SPAST: variants seen among roughly 807,000 people sequenced by gnomAD.
SPAST encodes the protein spastic paraplegia 4 (autosomal dominant; spastin).
Under a neutral mutation model 76.6 loss-of-function variants are expected in SPAST, and 30 were observed. That is an observed-to-expected ratio of 0.39 (90% CI 0.29 to 0.53). The LOEUF is 0.53. SPAST is among the 20% of genes least tolerant of loss of function. SPAST has a pLI of 0.68. For synonymous variants in SPAST, 305 were observed against 281.0 expected (o/e 1.09, Z -0.86); for missense variants, 717 against 770.5 (o/e 0.93, Z 0.82).
intron 1 of SPAST, among the ~76,000 whole-genome samples, chr2:32,083,776 A>ATATTTTTTTTTTTTTTTTTT (rs1553398791): frequency 2.2e-5 from 1 of 46,074 alleles, no homozygotes; most frequent in African/African-American, 8.9e-5. Flanking sequence ...ATATATATAT[A>ATATTTTTTTTTTTTTTTTTT]TTTTTTTTTT....
intron 1 of SPAST, among the ~76,000 whole-genome samples, chr2:32,077,190 G>T (rs1172367925): frequency 1.3e-5 from 2 of 152,078 alleles, no homozygotes; most frequent in Non-Finnish European, 2.9e-5. Flanking sequence ...GAGATTTTTA[G>T]ATATCTATTA....
At chr2:32,091,458 G>A (rs1386277029) in intron 3 of SPAST, among the ~76,000 whole-genome samples, 2 of 150,582 alleles carry the variant, frequency 1.3e-5, no homozygotes, top group Non-Finnish European at 3.0e-5. Context: ...TGTATTTTTA[G>A]TAGGGACGGG....
chr2:32,147,489 G>T (rs900715978), intron 16 of SPAST, among the ~76,000 whole-genome samples: 1 of 149,278 alleles, frequency 6.7e-6, no homozygotes, highest in East Asian at 2.0e-4. Context: ...GCTAATTTTT[G>T]TATTTTTAGT....
intron 14 of SPAST, among the ~76,000 whole-genome samples, chr2:32,143,950 T>A (rs1679804735): frequency 6.6e-6 from 1 of 152,208 alleles, no homozygotes; most frequent in South Asian, 2.1e-4. Context: ...CTGAATACTT[T>A]TCAGCTCTTT....
intron 16 of SPAST, 87 bp downstream of exon 16, chr2:32,147,345 G>T (rs370641124): frequency 2.6e-3 from 428 of 162,670 alleles, no homozygotes; most frequent in East Asian, 5.7e-3. Flanking sequence ...TGTGTGTGTG[G>T]TTTTTTTTTT....
intron 9 of SPAST, chr2:32,130,480 A>C (rs1055758515): frequency 6.6e-6 from 1 of 152,182 alleles, no homozygotes; most frequent in Non-Finnish European, 1.5e-5. Flanking sequence ...GCACTTTGGG[A>C]AGCCAAGGCT....
intron 1 of SPAST, among the ~76,000 whole-genome samples, chr2:32,064,847 G>A (rs1676445823): frequency 6.6e-6 from 1 of 152,018 alleles, no homozygotes; most frequent in African/African-American, 2.4e-5. Context: ...TCCCCCTGTT[G>A]CTTTGATTTT....
In SPAST at chr2:32,114,654, AAAAAG is replaced by A; in HGVS notation, c.706_710del (p.Lys236ProfsTer6). 1 of 1,614,034 alleles carries A rather than the reference AAAAAG, an allele frequency of 6.2e-7. No homozygotes were observed. The highest frequency in any genetic ancestry group is 8.5e-7 in the Non-Finnish European group (1 of 1,179,898). On this transcript the variant is annotated frameshift_variant, in exon 5 of 17. Coordinates refer to ENST00000315285, the MANE Select transcript of SPAST (RefSeq NM_014946.4). LOFTEE classifies it high-confidence loss of function. ...CCTTGTCAGAAAGTGGAGCTGTTCC[AAAAAG>A]AAAAGACCCCTTAACACACACTAGT...
Position 32,063,776 on chromosome 2 carries a change from GT to G in SPAST, c.-54del. The G allele has an allele frequency of 5.9e-6, 9 of 1,536,432 alleles. No individual in the cohort carries two copies. The highest frequency in any genetic ancestry group is 7.8e-6 in the Non-Finnish European group (9 of 1,148,656). ...TAGCAGTGGCTGCCGCCGTCGCTTGGTTCCCGTCGGTCTGCGGGAGGCGGGT... is the reference window on the plus strand; with the variant it reads ...TAGCAGTGGCTGCCGCCGTCGCTTGGTCCCGTCGGTCTGCGGGAGGCGGGT... On this transcript the variant is annotated 5_prime_UTR_variant, in exon 1 of 17. Coordinates refer to ENST00000315285, the MANE Select transcript of SPAST (RefSeq NM_014946.4).
intron 1 of SPAST, among the ~76,000 whole-genome samples, chr2:32,080,080 T>C (rs896853552): frequency 1.3e-5 from 2 of 152,178 alleles, no homozygotes; most frequent in Non-Finnish European, 2.9e-5. Context: ...TTCTCCACAT[T>C]TGTTATTTTT....
At position 32,087,472 on chromosome 2, in the gene SPAST, A is replaced by G. The variant is rs774161431; in HGVS notation, c.416-20A>G. ...GTGTACTCTTCATACGATCTATACA[A>G]ATAATTTTTTATTTTAAAGCAGGAC... is the stretch of plus-strand genomic sequence containing the variant. On this transcript the variant is annotated intron_variant, in intron 1 of 16. Coordinates refer to ENST00000315285, the MANE Select transcript of SPAST (RefSeq NM_014946.4). 1.4e-6 allele frequency: 2 copies of G among 1,480,582 alleles called. No individual in the cohort carries two copies. Among genetic ancestry groups the G allele is most frequent in the Middle Eastern group, 1.7e-4 (1 of 5,748 alleles). 91.7% of individuals were successfully genotyped at this position (1,480,582 alleles called of 1,614,324 possible).
rs1473645632 is a variant in SPAST, at chr2:32,147,333, T to G, written c.1728+75T>G. ...TATATAAGACATACATATATGAATG[T>G]GTGTGTGTGTGGTTTTTTTTTTTTT... On this transcript the variant is annotated intron_variant, in intron 16 of 16. Transcript: ENST00000315285. 2.3e-4 allele frequency: 163 copies of G among 710,036 alleles called. 1 individual carries two copies. Among genetic ancestry groups the G allele is most frequent in the Middle Eastern group, 3.6e-4 (1 of 2,740 alleles). The allele number at this position is 710,036 out of a possible 1,614,324, so 44.0% of individuals were successfully genotyped here.
chr2:32,064,312 G>A, intron 1 of SPAST, 66 bp downstream of exon 1: 2 of 1,290,134 alleles, frequency 1.6e-6, no homozygotes, highest in Non-Finnish European at 2.2e-6. Flanking sequence ...GCCGGGGGAG[G>A]GCAACACCTG....
intron 1 of SPAST, chr2:32,065,946 A>T (rs1676492886): frequency 6.6e-6 from 1 of 151,908 alleles, no homozygotes. Flanking sequence ...TGTTTGTAGA[A>T]GGAAATTTTT....
intron 1 of SPAST, among the ~76,000 whole-genome samples, chr2:32,081,859 T>A (rs1232242922): frequency 2.7e-5 from 4 of 150,674 alleles, no homozygotes; most frequent in Admixed American, 2.7e-4. Flanking sequence ...CTCTCCTTTT[T>A]ATATTTCGAT....
In SPAST at chr2:32,137,091, A is replaced by C; in HGVS notation, c.1414-18A>C. 1.2e-6 allele frequency: 2 copies of C among 1,610,374 alleles called. No homozygotes were observed. Among genetic ancestry groups the C allele is most frequent in the South Asian group, 2.2e-5 (2 of 90,936 alleles). On this transcript the variant is annotated intron_variant, in intron 11 of 16. Transcript: ENST00000315285. ...ATTACTTTTCTAAATGAATTGAAAA[A>C]AGATTTTTTGCTTGTAGGTACAGTC...
At chr2:32,140,923 G>C (rs1292900392) in intron 12 of SPAST, among the ~76,000 whole-genome samples, 1 of 147,380 alleles carries the variant, frequency 6.8e-6, no homozygotes, top group Non-Finnish European at 1.5e-5. Flanking sequence ...TCTTTTTTGG[G>C]GGCAGGTTTT....
In SPAST at chr2:32,154,363, T is replaced by C. The variant is rs1680182911; in HGVS notation, c.1729-11T>C. The stretch of plus-strand genomic sequence containing the variant: ...ATCATTTGTATTGTCATGTGCTTTT[T>C]AAAAATCTAGATGAGAAATATTCGA... On this transcript the variant is annotated splice_polypyrimidine_tract_variant and intron_variant, in intron 16 of 16. Coordinates refer to ENST00000315285, the MANE Select transcript of SPAST (RefSeq NM_014946.4). The C allele has an allele frequency of 6.2e-7, 1 of 1,611,752 alleles. No individual in the cohort carries two copies. Among genetic ancestry groups the C allele is most frequent in the Non-Finnish European group, 8.5e-7 (1 of 1,177,866 alleles).
chr2:32,072,044 T>G (rs1382262577), intron 1 of SPAST, among the ~76,000 whole-genome samples: 2 of 152,104 alleles, frequency 1.3e-5, no homozygotes, highest in Non-Finnish European at 2.9e-5. Flanking sequence ...TTTGTTTTAT[T>G]TATTTATTTA....
Sources: allele counts gnomAD v4.1 joint callset (sites outside exome capture counted in the v4.1 genomes callset), GRCh38; gene constraint gnomAD v4.1.1; transcripts MANE v1.5; gene names NCBI Gene and HGNC (gene_info 2026-07-23, HGNC 2026-07-21).